Variants in PTPRF observed in about 807,000 individuals in gnomAD.
The protein encoded by PTPRF is receptor-type tyrosine-protein phosphatase F.
In PTPRF, 59 loss-of-function variants were observed where a neutral mutation model predicts 201.8. The ratio of observed to expected loss-of-function variants is 0.29; its 90% confidence interval spans 0.24 to 0.36. The LOEUF is 0.36. Among genes scored for constraint, PTPRF ranks in the 10% least tolerant of loss-of-function variants. PTPRF has a pLI of 1.00. For synonymous variants in PTPRF, 1,088 were observed against 1,089.7 expected, an observed-to-expected ratio of 1.00 and a Z score of 0.03; for missense variants, 2,132 against 2,690.5, an observed-to-expected ratio of 0.79 and a Z score of 4.59.
chr1:43,596,916 G>T (rs1652409478), intron 11 of PTPRF, among the ~76,000 whole-genome samples: 2 of 152,210 alleles, frequency 1.3e-5, no homozygotes, highest in Admixed American at 1.3e-4. Flanking sequence ...CAGATGCCAT[G>T]TGTGAGACAC....
chr1:43,530,237 G>C (rs1643322020), upstream of PTPRF, among the ~76,000 whole-genome samples: 1 of 151,956 alleles, frequency 6.6e-6, no homozygotes, highest in African/African-American at 2.4e-5. This position sits in a 1 kb window ranked among gnomAD's most constrained non-coding sequence, Gnocchi z 4.1. Context: ...CTGGGAATGG[G>C]AGAGCAGTAC....
chr1:43,592,687 G>A, intron 11 of PTPRF, 86 bp downstream of exon 11: 2 of 1,403,070 alleles, frequency 1.4e-6, no homozygotes, highest in Non-Finnish European at 1.9e-6. Flanking sequence ...CCCTCGACCA[G>A]GCAGGTGGGG....
chr1:43,551,089 G>C lies in PTPRF; in HGVS notation c.92-2403G>C, dbSNP rs546430998. Among the ~76,000 whole-genome samples, 5 of 152,310 alleles carry C rather than the reference G, an allele frequency of 3.3e-5. No homozygotes were observed. The South Asian group carries it at 8.3e-4, about 25-fold the overall frequency. On this transcript the variant is annotated intron_variant, in intron 3 of 33. Transcript: ENST00000359947. ...ATAGGGCGGGGTGTCGGGGGAGGCTGTCAGCTCACTCTGGACACTGAGTAG... is the reference window on the plus strand; with the variant it reads ...ATAGGGCGGGGTGTCGGGGGAGGCTCTCAGCTCACTCTGGACACTGAGTAG...
intron 1 of PTPRF, among the ~76,000 whole-genome samples, chr1:43,535,228 G>C (rs189887796): frequency 3.3e-5 from 5 of 152,318 alleles, no homozygotes; most frequent in African/African-American, 1.2e-4. Context: ...GATTGTTTGT[G>C]TTGCTCAGGT....
intron 5 of PTPRF, among the ~76,000 whole-genome samples, chr1:43,559,863 T>A (rs962402810): frequency 7.1e-6 from 1 of 140,906 alleles, no homozygotes; most frequent in African/African-American, 2.7e-5. Context: ...GTGCAGCAGG[T>A]GGTGTGTAGC....
At chr1:43,535,832 T>G (rs527608830) in intron 1 of PTPRF, among the ~76,000 whole-genome samples, 1 of 152,356 alleles carries the variant, frequency 6.6e-6, no homozygotes, top group African/African-American at 2.4e-5. Context: ...TGGAGTGTAG[T>G]GGTGCAGTCG....
At chr1:43,528,225 C>T (rs112904272), upstream of PTPRF, among the ~76,000 whole-genome samples, 7,781 of 152,284 alleles carry the variant, frequency 0.051, 280 homozygotes, top group Non-Finnish European at 0.08. Flanking sequence ...CAGAGTCTTG[C>T]TCTGTGGCCC....
At chr1:43,615,966 G>A (rs945799235) in intron 23 of PTPRF, among the ~76,000 whole-genome samples, 2 of 152,100 alleles carry the variant, frequency 1.3e-5, no homozygotes, top group African/African-American at 4.8e-5. Flanking sequence ...AGGGAACCCA[G>A]TCGTGGGGAG....
At position 43,620,910 on chromosome 1, in the gene PTPRF, G is replaced by A. The variant is rs1659062098; in HGVS notation, c.5437G>A (p.Glu1813Lys). Residue 1813 changes from glutamate (E) to lysine (K), a missense_variant, in exon 32 of 34, where the codon GAG becomes AAG. Coordinates refer to ENST00000359947, the MANE Select transcript of PTPRF (RefSeq NM_002840.5). ...WPEQGVPKTG[E>K]GFIDFIGQVH... ...AGAGCAGGGCGTGCCCAAGACAGGC[G>A]AGGGATTCATTGACTTCATCGGGCA... 7 of 1,614,210 alleles carry A rather than the reference G, an allele frequency of 4.3e-6. No individual in the cohort carries two copies. The highest frequency in any genetic ancestry group is 5.9e-6 in the Non-Finnish European group (7 of 1,180,020).
intron 11 of PTPRF, among the ~76,000 whole-genome samples, chr1:43,593,113 G>A (rs936484483): frequency 2.0e-5 from 3 of 152,248 alleles, no homozygotes. Context: ...GTCTGAGAAT[G>A]CGGCCATGTG....
In PTPRF at chr1:43,605,183, C is replaced by G; in HGVS notation, c.3136-7C>G. 6.3e-7 allele frequency: 1 copy of G among 1,591,682 alleles called. No homozygotes were observed. Among genetic ancestry groups the G allele is most frequent in the Non-Finnish European group, 8.6e-7 (1 of 1,163,844 alleles). On this transcript the variant is annotated splice_polypyrimidine_tract_variant and splice_region_variant and intron_variant, in intron 17 of 33. Transcript: ENST00000359947. ...AAGGCATTGATTGCCCCTCCCGTCC[C>G]CCACAGATTCTGTACAATGGGCAGA...
intron 2 of PTPRF, among the ~76,000 whole-genome samples, chr1:43,539,076 A>T (rs1644203154): frequency 6.6e-6 from 1 of 152,240 alleles, no homozygotes; most frequent in African/African-American, 2.4e-5. Context: ...AGTGGCAAAC[A>T]AAAGTGCAGA....
In PTPRF at chr1:43,588,217, T is replaced by C. The variant is rs1325731721; in HGVS notation, c.680-514T>C. The stretch of plus-strand genomic sequence containing the variant: ...TTCCCCTCAGGCCATGGCCTGGAGG[T>C]GGAGGCAGTGACTCCACGGCAGGTG... On this transcript the variant is annotated intron_variant, in intron 7 of 33. Transcript: ENST00000359947. This position sits in a 1 kb window ranked among gnomAD's most constrained non-coding sequence, Gnocchi z 5.3. Among the ~76,000 whole-genome samples, 2 of 151,762 alleles carry C rather than the reference T, an allele frequency of 1.3e-5. No homozygotes were observed. The highest frequency in any genetic ancestry group is 2.9e-5 in the Non-Finnish European group (2 of 67,964).
intron 21 of PTPRF, among the ~76,000 whole-genome samples, chr1:43,608,651 A>C (rs1655723066): frequency 6.6e-6 from 1 of 152,268 alleles, no homozygotes. Flanking sequence ...CAGTTCTCTG[A>C]GAAGTTGCCT....
At chr1:43,616,947 CAG>C (rs1263150133) in intron 23 of PTPRF, among the ~76,000 whole-genome samples, 2 of 152,134 alleles carry the variant, frequency 1.3e-5, no homozygotes, top group African/African-American at 4.8e-5. Context: ...AGAGAGGAAA[CAG>C]AGAAGGAGCA....
At chr1:43,589,704 A>G (rs975005258) in intron 8 of PTPRF, among the ~76,000 whole-genome samples, 2 of 151,270 alleles carry the variant, frequency 1.3e-5, no homozygotes, top group African/African-American at 4.9e-5. Flanking sequence ...CGAAAAAAAA[A>G]AAAAAAAAAA....
intron 5 of PTPRF, among the ~76,000 whole-genome samples, chr1:43,560,571 A>G (rs1022950931): frequency 4.6e-5 from 7 of 152,162 alleles, no homozygotes; most frequent in African/African-American, 1.7e-4. Flanking sequence ...TGGTGGGGTC[A>G]GTCTGGCACT....
chr1:43,592,367 A>C, intron 10 of PTPRF, 90 bp from the exon 11 acceptor site: 1 of 1,488,582 alleles, frequency 6.7e-7, no homozygotes, highest in Non-Finnish European at 9.1e-7. Context: ...TGGTGGGTCC[A>C]GAGGTGTCAC....
chr1:43,603,044 G>A lies in PTPRF; in HGVS notation c.2341-372G>A, dbSNP rs1388527265. On this transcript the variant is annotated intron_variant, in intron 14 of 33. Coordinates refer to ENST00000359947, the MANE Select transcript of PTPRF (RefSeq NM_002840.5). The surrounding 1 kb of genome is among the most constrained non-coding windows in gnomAD (Gnocchi z 5.8). ...TGCTTATGCAGGAGCTGTAGGCTGT[G>A]TGCGTGTGGCTGCCAAGAGCCACGC... is the stretch of plus-strand genomic sequence containing the variant. 6.6e-6 allele frequency among the ~76,000 whole-genome samples: 1 copy of A among 152,208 alleles called. No homozygotes were observed. The highest frequency in any genetic ancestry group is 2.4e-5 in the African/African-American group (1 of 41,444).
Sources: gnomAD v4.1 joint callset for allele counts (sites outside exome capture counted in the v4.1 genomes callset) on GRCh38, gnomAD v4.1.1 for gene constraint, Gnocchi (gnomAD v3.1) non-coding constraint, MANE v1.5 for transcripts, NCBI Gene and HGNC (gene_info 2026-07-23, HGNC 2026-07-21) for gene names.